C16orf96: variants seen among roughly 807,000 people sequenced by gnomAD.
C16orf96 encodes the protein uncharacterized protein C16orf96.
C16orf96 carries 108 observed loss-of-function variants against 103.6 expected under a neutral mutation model. That is an observed-to-expected ratio of 1.04 (90% CI 0.89 to 1.22). The LOEUF is 1.22. C16orf96 is among the 50% of genes most tolerant of loss of function. The pLI is 0.00. For synonymous variants in C16orf96, 566 were observed against 593.5 expected, an observed-to-expected ratio of 0.95 and a Z score of 0.67; for missense variants, 1,586 against 1,464.2, an observed-to-expected ratio of 1.08 and a Z score of -1.36.
Position 4,578,969 on chromosome 16 carries a change from A to G in C16orf96, c.2185A>G (p.Thr729Ala). The G allele has an allele frequency of 6.4e-7, 1 of 1,551,318 alleles. No homozygotes were observed. The highest frequency in any genetic ancestry group is 2.4e-5 in the East Asian group (1 of 40,900). Residue 729 changes from threonine (T) to alanine (A), a missense_variant, in exon 6 of 16, where the codon ACA (threonine) becomes GCA (alanine). Thr to Ala is a moderately conservative substitution (Grantham distance 58). Transcript: ENST00000444310. ...TATGGGAGGTCCTTCCAGCCTCGGG[A>G]CAACAGTGGACATATTGCAGAAAAA... ...ANMGGPSSLG[T>A]TVDILQKKIG... is the part of the protein sequence containing the mutation.
At chr16:4,579,764 A>G (rs1299556169) in intron 6 of C16orf96, among the ~76,000 whole-genome samples, 3 of 151,936 alleles carry the variant, frequency 2.0e-5, no homozygotes, top group African/African-American at 7.2e-5. Flanking sequence ...GGGGCCCGCC[A>G]CCACACCTGG....
chr16:4,567,629 A>AT (rs2059395869), intron 1 of C16orf96, among the ~76,000 whole-genome samples: 1 of 146,028 alleles, frequency 6.8e-6, no homozygotes, highest in African/African-American at 2.5e-5. Context: ...CATATTTGTC[A>AT]TTTAGTAGAA....
chr16:4,577,132 G>A (rs1444455183), intron 5 of C16orf96, among the ~76,000 whole-genome samples: 6 of 151,354 alleles, frequency 4.0e-5, no homozygotes, highest in African/African-American at 1.2e-4. Context: ...CAGAGGTTGC[G>A]GTGAGCCAAG....
intron 15 of C16orf96, among the ~76,000 whole-genome samples, chr16:4,599,712 C>G (rs1406359892): frequency 1.3e-5 from 2 of 152,232 alleles, no homozygotes; most frequent in African/African-American, 4.8e-5. Context: ...TCATCAGAAC[C>G]TCATCCCGAC....
At position 4,580,016 on chromosome 16, in the gene C16orf96, A is replaced by T. The variant is rs1457455895; in HGVS notation, c.2243A>T (p.Glu748Val). Residue 748 changes from glutamate (E) to valine (V), a missense_variant and splice_region_variant, in exon 7 of 16, where the codon GAG becomes GTG. Physicochemically the swap from Glu to Val is moderately radical, Grantham distance 121 (BLOSUM62 -2). Transcript: ENST00000444310. ...IGSLQKSRLK[E>V]EELERIWGNQ... ...GGTGTCTGTGTCTCCCCCTTTTAGG[A>T]GGAAGAACTTGAGAGAATTTGGGGC... 1.3e-6 allele frequency: 2 copies of T among 1,550,144 alleles called. No individual in the cohort carries two copies. The highest frequency in any genetic ancestry group is 1.7e-6 in the Non-Finnish European group (2 of 1,146,016).
chr16:4,542,412 C>T, the C16orf96 span, among the ~76,000 whole-genome samples: 1 of 151,992 alleles, frequency 6.6e-6, no homozygotes, highest in Admixed American at 6.6e-5. Context: ...TTCCCAGTAA[C>T]CACATTAAAA....
chr16:4,548,950 G>A, the C16orf96 span, among the ~76,000 whole-genome samples: 1 of 151,736 alleles, frequency 6.6e-6, no homozygotes, highest in Non-Finnish European at 1.5e-5. Flanking sequence ...GCAACACAGT[G>A]GCACTGGGGA....
In C16orf96 at chr16:4,563,744, T is replaced by C. The variant is rs193144927; in HGVS notation, c.420+6835T>C. Reference sequence around the variant, plus strand: ...CCACCATGCCCAGCTAATTTTCGTATTTTTAGTAGAGACGGGGTTTCACCA... The same window carrying C: ...CCACCATGCCCAGCTAATTTTCGTACTTTTAGTAGAGACGGGGTTTCACCA... On this transcript the variant is annotated intron_variant, in intron 1 of 15. Transcript: ENST00000444310. Among the ~76,000 whole-genome samples the C allele has an allele frequency of 1.5e-3, 223 of 151,600 alleles. 2 individuals are homozygous for C. The highest frequency in any genetic ancestry group is 2.6e-3 in the Non-Finnish European group (179 of 67,874).
chr16:4,563,045 G>A, intron 1 of C16orf96: 1 of 896,934 alleles, frequency 1.1e-6, no homozygotes, highest in Admixed American at 1.9e-5. Flanking sequence ...GTCAGAAGAT[G>A]ACAGAGCTCT....
intron 1 of C16orf96, among the ~76,000 whole-genome samples, chr16:4,558,785 T>C (rs769297684): frequency 2.0e-5 from 3 of 151,768 alleles, no homozygotes; most frequent in Admixed American, 1.3e-4. Flanking sequence ...CATGCTTGCG[T>C]GCGCCTGTAG....
chr16:4,567,183 C>T (rs748546312), intron 1 of C16orf96, among the ~76,000 whole-genome samples: 1 of 151,988 alleles, frequency 6.6e-6, no homozygotes. Flanking sequence ...AGCTGCATCC[C>T]GTAAGTTCTG....
chr16:4,583,452 G>C (rs893650834), intron 7 of C16orf96, among the ~76,000 whole-genome samples: 1 of 152,188 alleles, frequency 6.6e-6, no homozygotes, highest in African/African-American at 2.4e-5. Context: ...GTTGCAGTGA[G>C]CTGAGGTCAT....
At chr16:4,595,863 C>T (rs888991139) in intron 14 of C16orf96, among the ~76,000 whole-genome samples, 5 of 152,010 alleles carry the variant, frequency 3.3e-5, no homozygotes, top group Admixed American at 2.0e-4. Context: ...CGCACCACCA[C>T]GCCCGGCTAA....
chr16:4,559,465 C>G (rs760155581), intron 1 of C16orf96, among the ~76,000 whole-genome samples: 1 of 151,958 alleles, frequency 6.6e-6, no homozygotes, highest in Non-Finnish European at 1.5e-5. Flanking sequence ...GCACGAGAAT[C>G]GCTTGAACCC....
chr16:4,582,400 G>C (rs987617367), intron 7 of C16orf96, among the ~76,000 whole-genome samples: 2 of 152,064 alleles, frequency 1.3e-5, no homozygotes, highest in Non-Finnish European at 2.9e-5. Context: ...GGGGTGTGTT[G>C]GGGGAAAAGG....
intron 2 of C16orf96, among the ~76,000 whole-genome samples, chr16:4,572,439 A>G (rs997259462): frequency 1.3e-5 from 2 of 151,484 alleles, no homozygotes; most frequent in African/African-American, 4.9e-5. Context: ...AGCTGGGACT[A>G]CAGGCGCCCG....
the C16orf96 span, among the ~76,000 whole-genome samples, chr16:4,543,453 G>A: frequency 1.3e-5 from 2 of 152,070 alleles, no homozygotes; most frequent in African/African-American, 4.8e-5. Context: ...TTTGGGCTGA[G>A]TAATATGACT....
At position 4,594,502 on chromosome 16, in the gene C16orf96, T is replaced by C; in HGVS notation, c.3019T>C (p.Tyr1007His). ...YPYGDPHVID[Y>H]DSAEVDILGV... ...CTACGGGGATCCCCACGTGATCGACTATGACAGCGTGAGTCTGGCCGGGGC... is the reference window on the plus strand; with the variant it reads ...CTACGGGGATCCCCACGTGATCGACCATGACAGCGTGAGTCTGGCCGGGGC... Residue 1007 changes from tyrosine to histidine, a missense_variant, in exon 13 of 16, where the codon TAT (tyrosine) becomes CAT (histidine). Physicochemically the swap from Tyr to His is moderately conservative, Grantham distance 83. Coordinates refer to ENST00000444310, the MANE Select transcript of C16orf96 (RefSeq NM_001145011.2). 2.6e-6 allele frequency: 4 copies of C among 1,551,042 alleles called. No individual in the cohort carries two copies. The highest frequency in any genetic ancestry group is 3.5e-6 in the Non-Finnish European group (4 of 1,146,742).
intron 1 of C16orf96, among the ~76,000 whole-genome samples, chr16:4,563,429 A>AT (rs1223989391): frequency 6.6e-6 from 1 of 151,942 alleles, no homozygotes; most frequent in East Asian, 1.9e-4. Flanking sequence ...GCTAATTTGT[A>AT]TTTTTTGTAG....
Sources: allele counts gnomAD v4.1 joint callset (sites outside exome capture counted in the v4.1 genomes callset), GRCh38; gene constraint gnomAD v4.1.1; transcripts MANE v1.5; gene names NCBI Gene and HGNC (gene_info 2026-07-23, HGNC 2026-07-21).